KIF13A: variants seen among roughly 807,000 people sequenced by gnomAD.
The protein encoded by KIF13A is kinesin family member 13A.
In KIF13A, 79 loss-of-function variants were observed where a neutral mutation model predicts 212.2. The ratio of observed to expected loss-of-function variants is 0.37; its 90% confidence interval spans 0.31 to 0.45. The LOEUF (loss-of-function observed/expected upper bound fraction) is 0.45, where lower values mean the gene tolerates loss of function less well. Among genes scored for constraint, KIF13A ranks in the 20% least tolerant of loss-of-function variants. The pLI, the probability that KIF13A is intolerant of heterozygous loss-of-function variation, is 1.00. For missense variants in KIF13A, 1,901 were observed against 2,209.0 expected, an observed-to-expected ratio of 0.86 and a Z score of 2.79; for synonymous variants, 789 against 808.6, an observed-to-expected ratio of 0.98 and a Z score of 0.41.
At position 17,987,424 on chromosome 6, in the gene KIF13A, G is replaced by C. The variant is rs763638959; in HGVS notation, c.40C>G (p.Pro14Ala). ...TKVKVAVRVRPMNRRELELNT... is the reference protein window; with the variant it reads ...TKVKVAVRVRAMNRRELELNT... ...AGCTCCTCACCTCGTCGGTTCATGG[G>C]CCGGACCCGGACGGCAACTTTTACC... Residue 14 changes from proline to alanine, a missense_variant, in exon 1 of 39, where the codon CCC becomes GCC. Pro to Ala is a conservative substitution (Grantham distance 27). This residue lies in a region of KIF13A where 506 missense variants were observed against 637.4 expected (regional missense o/e 0.79). Coordinates refer to ENST00000259711, the MANE Select transcript of KIF13A (RefSeq NM_022113.6). This position sits in a 1 kb window ranked among gnomAD's most constrained non-coding sequence, Gnocchi z 7.7. The C allele has an allele frequency of 7.4e-7, 1 of 1,358,016 alleles. No individual in the cohort carries two copies. Among genetic ancestry groups the C allele is most frequent in the African/African-American group, 1.5e-5 (1 of 64,714 alleles). 84.1% of individuals were successfully genotyped at this position (1,358,016 alleles called of 1,614,324 possible).
chr6:17,760,094 A>C (rs887103484), downstream of KIF13A: 1 of 152,246 alleles, frequency 6.6e-6, no homozygotes, highest in African/African-American at 2.4e-5. Context: ...TATGAAACAA[A>C]GGACAGAGAA....
At chr6:17,761,473 T>TC (rs1020078693), downstream of KIF13A, among the ~76,000 whole-genome samples, 14 of 152,006 alleles carry the variant, frequency 9.2e-5, no homozygotes, top group African/African-American at 3.4e-4. Context: ...AACTTTCACC[T>TC]CCCGGGTTCC....
intron 14 of KIF13A, among the ~76,000 whole-genome samples, chr6:17,827,589 C>T (rs1765083234): frequency 6.6e-6 from 1 of 151,402 alleles, no homozygotes; most frequent in Non-Finnish European, 1.5e-5. Context: ...ATGACCATGG[C>T]TCACTGTAGC....
chr6:17,861,076 T>C (rs1768724400), intron 4 of KIF13A, among the ~76,000 whole-genome samples: 1 of 152,194 alleles, frequency 6.6e-6, no homozygotes, highest in Non-Finnish European at 1.5e-5. Flanking sequence ...TAGTTACAGT[T>C]ATTTTTGGCA....
Position 17,919,542 on chromosome 6 carries a change from G to A in KIF13A, c.147-21362C>T, listed in dbSNP as rs1480682239. ...CCTCCTATATATCCAGAGTAAGAAA[G>A]CTGTGAGTATCAAAAATAGATGTTC... On this transcript the variant is annotated intron_variant, in intron 2 of 38. Transcript: ENST00000259711. This position sits in a 1 kb window ranked among gnomAD's most constrained non-coding sequence, Gnocchi z 4.1. Among the ~76,000 whole-genome samples the A allele has an allele frequency of 6.6e-6, 1 of 152,142 alleles. No homozygotes were observed. The highest frequency in any genetic ancestry group is 6.5e-5 in the Admixed American group (1 of 15,284).
chr6:17,832,812 G>T (rs1253778001), intron 12 of KIF13A, among the ~76,000 whole-genome samples: 1 of 151,746 alleles, frequency 6.6e-6, no homozygotes, highest in Non-Finnish European at 1.5e-5. Context: ...AGGAGTTTGA[G>T]ATCAGCTGGG....
intron 4 of KIF13A, among the ~76,000 whole-genome samples, chr6:17,864,120 AT>A (rs1276495469): frequency 6.6e-6 from 1 of 152,170 alleles, no homozygotes; most frequent in Non-Finnish European, 1.5e-5. Flanking sequence ...ATCTATGAGT[AT>A]TTGTTTCTAT....
At position 17,987,558 on chromosome 6, in the gene KIF13A, G is replaced by T; in HGVS notation, c.-95C>A. 1.6e-6 allele frequency: 1 copy of T among 610,700 alleles called. No individual in the cohort carries two copies. The highest frequency in any genetic ancestry group is 6.7e-5 in the South Asian group (1 of 14,938). 37.8% of individuals were successfully genotyped at this position (610,700 alleles called of 1,614,324 possible). Reference sequence around the variant, plus strand: ...CCGCCGCTGCAGCCGCGCGCCCCTCGAGCGCGGCCGCCGCCGCTCCGCCGT... The same window carrying T: ...CCGCCGCTGCAGCCGCGCGCCCCTCTAGCGCGGCCGCCGCCGCTCCGCCGT... On this transcript the variant is annotated 5_prime_UTR_variant, in exon 1 of 39. An upstream open reading frame in the 5' UTR gains an earlier in-frame stop. Transcript: ENST00000259711. The surrounding 1 kb of genome is among the most constrained non-coding windows in gnomAD (Gnocchi z 7.7).
At chr6:17,801,200 C>CT (rs1561990271) in intron 20 of KIF13A, among the ~76,000 whole-genome samples, 1 of 151,990 alleles carries the variant, frequency 6.6e-6, no homozygotes, top group Non-Finnish European at 1.5e-5. Context: ...AGAGAAGTAA[C>CT]TCACTAACAG....
chr6:17,980,040 A>AC (rs1554127607), intron 2 of KIF13A, among the ~76,000 whole-genome samples: 1 of 151,614 alleles, frequency 6.6e-6, no homozygotes, highest in Non-Finnish European at 1.5e-5. Context: ...TAATTCAATA[A>AC]TTTTTTTTTC....
At chr6:17,921,719 T>C (rs779257766) in intron 2 of KIF13A, among the ~76,000 whole-genome samples, 21 of 151,372 alleles carry the variant, frequency 1.4e-4, no homozygotes, top group Non-Finnish European at 2.8e-4. Flanking sequence ...AAGCCAAGAG[T>C]GGGAAGAACA....
At chr6:17,841,925 G>A (rs1488747376) in intron 9 of KIF13A, among the ~76,000 whole-genome samples, 1 of 151,256 alleles carries the variant, frequency 6.6e-6, no homozygotes, top group Non-Finnish European at 1.5e-5. Flanking sequence ...AGGCTTATAT[G>A]TCTGTGTGTT....
At chr6:17,842,007 G>A (rs372737367) in intron 9 of KIF13A, among the ~76,000 whole-genome samples, 25,525 of 135,888 alleles carry the variant, frequency 0.19, 2,406 homozygotes, top group South Asian at 0.27. Flanking sequence ...ATACGTGTGT[G>A]TGTGTGTGTG....
rs146287985 is a variant in KIF13A, at chr6:17,855,915, T to C, written c.313+115A>G. ...TTTATAAAGACGGGTCTTACTATGT[T>C]GCCCAGGCTGGTCTCAAACTCCTGG... On this transcript the variant is annotated intron_variant, in intron 5 of 38. Transcript: ENST00000259711. The surrounding 1 kb of genome is among the most constrained non-coding windows in gnomAD (Gnocchi z 4.1). 1.5e-4 allele frequency: 110 copies of C among 723,546 alleles called. No individual in the cohort carries two copies. The African/African-American group carries it at 1.6e-3, about 11-fold the overall frequency. 44.8% of individuals were successfully genotyped at this position (723,546 alleles called of 1,614,324 possible). A position where few individuals can be genotyped will look rare whatever the true frequency, so the allele number is the denominator to read the frequency against.
At chr6:17,790,735 T>C (rs1022517397) in intron 25 of KIF13A, among the ~76,000 whole-genome samples, 2 of 152,160 alleles carry the variant, frequency 1.3e-5, no homozygotes, top group African/African-American at 4.8e-5. Flanking sequence ...GATGCAATCA[T>C]CCCAGGGGAA....
chr6:17,761,381 G>A (rs558845449), downstream of KIF13A, among the ~76,000 whole-genome samples: 5 of 149,206 alleles, frequency 3.4e-5, no homozygotes, highest in Admixed American at 6.6e-5. Context: ...ATGCCTGGCC[G>A]CCAAAATTTT....
chr6:17,800,195 G>A (rs1762365700), intron 20 of KIF13A, 82 bp from the exon 21 acceptor site: 9 of 1,357,026 alleles, frequency 6.6e-6, no homozygotes, highest in Middle Eastern at 2.3e-4. Context: ...GCCTTCTACA[G>A]TGAACCTGGA....
At chr6:17,976,116 G>A (rs901756153) in intron 2 of KIF13A, among the ~76,000 whole-genome samples, 3 of 152,266 alleles carry the variant, frequency 2.0e-5, no homozygotes, top group African/African-American at 4.8e-5. Flanking sequence ...AGACTCAGGA[G>A]CCCAGCTGGC....
At chr6:17,911,177 A>G (rs902524471) in intron 2 of KIF13A, among the ~76,000 whole-genome samples, 1 of 152,252 alleles carries the variant, frequency 6.6e-6, no homozygotes, top group Non-Finnish European at 1.5e-5. Context: ...AATGTTTTGA[A>G]TTAGTATTTT....
Sources: allele counts gnomAD v4.1 joint callset (sites outside exome capture counted in the v4.1 genomes callset), GRCh38; gene constraint gnomAD v4.1.1; regional missense constraint gnomAD v4.1.1; non-coding constraint Gnocchi (gnomAD v3.1); transcripts MANE v1.5; gene names NCBI Gene and HGNC (gene_info 2026-07-23, HGNC 2026-07-21).